The following NRXN3 variants were observed in gnomAD, a reference collection of about 807,000 sequenced individuals.
NRXN3 encodes the protein neurexin 3, also known as neurexin III.
A neutral mutation model predicts 137.6 loss-of-function variants in NRXN3; 32 were observed. The ratio of observed to expected loss-of-function variants is 0.23; its 90% CI spans 0.18 to 0.31. The LOEUF is 0.31. Ranked by LOEUF, NRXN3 falls within the 10% of genes least tolerant of loss-of-function variation. The probability of loss-of-function intolerance (pLI) is 1.00; values close to 1 mark genes in which losing one functional copy is unlikely to be tolerated. For synonymous variants in NRXN3, 798 were observed against 784.5 expected, an observed-to-expected ratio of 1.02 and a Z score of -0.29; for missense variants, 1,574 against 2,062.5, an observed-to-expected ratio of 0.76 and a Z score of 4.59.
rs532714470 is a variant in NRXN3 at position 79,852,171 on chromosome 14, A to C, written c.4094-9171A>C. Among the ~76,000 whole-genome samples the C allele has an allele frequency of 2.0e-5, 3 of 150,884 alleles. No individual in the cohort carries two copies. The East Asian group carries it at 5.9e-4, about 30-fold the overall frequency. On this transcript the variant is annotated intron_variant, in intron 20 of 20. Transcript: ENST00000335750. ...TTTGGGATAAATTTCCTGAAGCAGA[A>C]CTCATGAACCCATATGTATTTTGAT...
chr14:79,160,161 A>G (rs1429686825), intron 15 of NRXN3, among the ~76,000 whole-genome samples: 2 of 151,952 alleles, frequency 1.3e-5, no homozygotes, highest in Non-Finnish European at 2.9e-5. Flanking sequence ...CCTCATTTCA[A>G]AGAATGAAAG....
chr14:78,580,093 C>T (rs1165016083), intron 4 of NRXN3, among the ~76,000 whole-genome samples: 5 of 152,074 alleles, frequency 3.3e-5, no homozygotes, highest in Non-Finnish European at 5.9e-5. Context: ...TATTAACTGC[C>T]ATACCCATGT....
chr14:79,790,790 T>G (rs994981788), intron 19 of NRXN3, among the ~76,000 whole-genome samples: 11 of 151,858 alleles, frequency 7.2e-5, no homozygotes, highest in African/African-American at 2.7e-4. Context: ...CTGGCTAATT[T>G]TTGTGTTTTT....
intron 8 of NRXN3, among the ~76,000 whole-genome samples, chr14:78,756,581 G>C (rs968584094): frequency 4.1e-5 from 6 of 146,160 alleles, no homozygotes; most frequent in African/African-American, 7.5e-5. Context: ...ACTGTAAAAT[G>C]AAAGTTTTGT....
intron 16 of NRXN3, among the ~76,000 whole-genome samples, chr14:79,527,150 C>T (rs957151426): frequency 1.3e-5 from 2 of 151,154 alleles, no homozygotes; most frequent in Admixed American, 6.6e-5. Context: ...AAAAATTAGC[C>T]GGGCATGGTG....
intron 19 of NRXN3, among the ~76,000 whole-genome samples, chr14:79,734,827 A>ATAAG (rs2098936381): frequency 6.6e-6 from 1 of 152,198 alleles, no homozygotes; most frequent in Non-Finnish European, 1.5e-5. Context: ...GAATTCAATT[A>ATAAG]TAAGTACAAG....
chr14:78,251,755 G>T (rs2068663186), intron 2 of NRXN3, among the ~76,000 whole-genome samples: 1 of 152,192 alleles, frequency 6.6e-6, no homozygotes. Flanking sequence ...GGAAATATTT[G>T]CAGTAGATTT....
At chr14:78,783,948 G>A (rs958014672) in intron 8 of NRXN3, among the ~76,000 whole-genome samples, 14 of 151,476 alleles carry the variant, frequency 9.2e-5, no homozygotes, top group African/African-American at 1.7e-4. Context: ...GTTTTATAGA[G>A]CATCTACTAT....
At chr14:79,123,247 G>GCA (rs1010127230) in intron 15 of NRXN3, among the ~76,000 whole-genome samples, 7 of 150,948 alleles carry the variant, frequency 4.6e-5, no homozygotes, top group East Asian at 2.0e-4. Context: ...GTGCGTGCGC[G>GCA]CACACACACA....
rs189007079 is a variant in NRXN3, at chr14:78,463,542, C to A, written c.757+165682C>A. ...GTATAAGCATTCCCTTTCCTCCATA[C>A]CTTGTTGTTTTTTTTGACTTTTTAA... On this transcript the variant is annotated intron_variant, in intron 4 of 20. Coordinates refer to ENST00000335750, the MANE Select transcript of NRXN3 (RefSeq NM_001330195.2). Among the ~76,000 whole-genome samples the A allele has an allele frequency of 7.2e-4, 108 of 150,416 alleles. 1 individual carries two copies. The highest frequency in any genetic ancestry group is 6.7e-3 in the Admixed American group (101 of 15,112).
chr14:78,813,269 C>T (rs559044157), intron 10 of NRXN3, among the ~76,000 whole-genome samples: 1 of 152,318 alleles, frequency 6.6e-6, no homozygotes, highest in South Asian at 2.1e-4. Flanking sequence ...AAAGGGCCTA[C>T]ATGATCCGAA....
chr14:78,443,553 ACTC>A (rs1007131355), intron 4 of NRXN3, among the ~76,000 whole-genome samples: 7 of 152,124 alleles, frequency 4.6e-5, no homozygotes, highest in Non-Finnish European at 1.0e-4. Flanking sequence ...GAGTGACTCT[ACTC>A]CTCAAATGGA....
In NRXN3 at chr14:78,968,245, G is replaced by A. The variant is rs776640017; in HGVS notation, c.3041G>A (p.Gly1014Asp). Reference protein sequence around the residue: ...NLPKLVASRDGFQGCLASVDL... With the variant: ...NLPKLVASRDDFQGCLASVDL... ...CCAAAGCTCGTGGCCTCTCGAGATG[G>A]CTTTCAGGGCTGTCTAGCATCAGTG... The change falls in exon 14 of 21, where the codon GGC (glycine) becomes GAC (aspartate). Residue 1014 changes from glycine to aspartate, a missense_variant. Gly to Asp is a moderately conservative substitution (Grantham distance 94, BLOSUM62 -1). Transcript: ENST00000335750. The A allele has an allele frequency of 6.2e-7, 1 of 1,613,908 alleles. No individual in the cohort carries two copies. The highest frequency in any genetic ancestry group is 8.5e-7 in the Non-Finnish European group (1 of 1,179,964).
At position 79,820,813 on chromosome 14, in the gene NRXN3, G is replaced by T. The variant is rs139056401; in HGVS notation, c.4093+15623G>T. Among the ~76,000 whole-genome samples, 11 of 152,252 alleles carry T rather than the reference G, an allele frequency of 7.2e-5. No homozygotes were observed. In the East Asian group the frequency reaches 2.1e-3, roughly 29 times the overall value. ...TTAGAAATCTATGGAGAAGAAATATGAAAGACTCATATATAAACATGGGGC... is the reference window on the plus strand; with the variant it reads ...TTAGAAATCTATGGAGAAGAAATATTAAAGACTCATATATAAACATGGGGC... On this transcript the variant is annotated intron_variant, in intron 20 of 20. Coordinates refer to ENST00000335750, the MANE Select transcript of NRXN3 (RefSeq NM_001330195.2).
chr14:79,001,841 C>T, intron 15 of NRXN3, among the ~76,000 whole-genome samples: 1 of 152,092 alleles, frequency 6.6e-6, no homozygotes, highest in Non-Finnish European at 1.5e-5. Context: ...ACAGTCTCAG[C>T]TTTGTTAACA....
At chr14:79,429,015 G>A (rs1300963570) in intron 15 of NRXN3, among the ~76,000 whole-genome samples, 1 of 152,146 alleles carries the variant, frequency 6.6e-6, no homozygotes, top group Non-Finnish European at 1.5e-5. Context: ...CTGGGAAGAT[G>A]TTCCTGATAA....
chr14:78,969,465 C>A (rs1398760242), intron 14 of NRXN3, among the ~76,000 whole-genome samples: 1 of 152,198 alleles, frequency 6.6e-6, no homozygotes, highest in African/African-American at 2.4e-5. Flanking sequence ...TTTGGTTGAG[C>A]CTTATGGTCC....
At chr14:79,697,384 T>C (rs2098739447) in intron 18 of NRXN3, among the ~76,000 whole-genome samples, 1 of 152,016 alleles carries the variant, frequency 6.6e-6, no homozygotes, top group African/African-American at 2.4e-5. Flanking sequence ...AGATTTCTTC[T>C]TCCTCACTAT....
At chr14:79,652,645 G>A (rs2098482616) in intron 16 of NRXN3, among the ~76,000 whole-genome samples, 1 of 152,044 alleles carries the variant, frequency 6.6e-6, no homozygotes, top group African/African-American at 2.4e-5. Context: ...CTAGTATGGT[G>A]GACTCTTTTC....
Sources: gnomAD v4.1 joint callset for allele counts (sites outside exome capture counted in the v4.1 genomes callset) on GRCh38, gnomAD v4.1.1 for gene constraint, MANE v1.5 for transcripts, NCBI Gene and HGNC (gene_info 2026-07-23, HGNC 2026-07-21) for gene names.